SLCO2B1: variants seen among roughly 807,000 people sequenced by gnomAD.
SLCO2B1 encodes OATP-RP2.
A neutral mutation model predicts 67.3 loss-of-function variants in SLCO2B1; 41 were observed. The observed-to-expected ratio is 0.61, with a 90% CI of 0.47 to 0.79. SLCO2B1 has a LOEUF of 0.79. Ranked by LOEUF, SLCO2B1 falls within the 30% of genes least tolerant of loss-of-function variation. The pLI is 0.00. For synonymous variants in SLCO2B1, 379 were observed against 381.4 expected, an observed-to-expected ratio of 0.99 and a Z score of 0.07; for missense variants, 837 against 920.1, an observed-to-expected ratio of 0.91 and a Z score of 1.17.
rs2140323647 is a variant in SLCO2B1 at position 75,179,376 on chromosome 11, T to C, written c.972+6807T>C. Among the ~76,000 whole-genome samples the C allele has an allele frequency of 2.0e-5, 3 of 151,506 alleles. No homozygotes were observed. The South Asian group carries it at 6.3e-4, about 32-fold the overall frequency. On this transcript the variant is annotated intron_variant, in intron 7 of 13. Coordinates refer to ENST00000289575, the MANE Select transcript of SLCO2B1 (RefSeq NM_007256.5). ...CCTTCTGAGTAGCTGGGATTACAGG[T>C]GCCCGCCACCATACCCAGCTAATTT...
Position 75,165,859 on chromosome 11 carries a change from T to C in SLCO2B1, c.358T>C (p.Tyr120His). 6.2e-7 allele frequency: 1 copy of C among 1,614,198 alleles called. No homozygotes were observed. Among genetic ancestry groups the C allele is most frequent in the African/African-American group, 1.3e-5 (1 of 75,064 alleles). The change falls in exon 4 of 14, where the codon TAT becomes CAT. Residue 120 changes from tyrosine (Y) to histidine (H), a missense_variant. Transcript: ENST00000289575. Reference sequence around the variant, plus strand: ...GGTGCACCGACCCCGAATGATTGGCTATGGGGCTATCCTTGTGGCCCTGGC... The same window carrying C: ...GGTGCACCGACCCCGAATGATTGGCCATGGGGCTATCCTTGTGGCCCTGGC... The part of the protein sequence containing the change: ...SRVHRPRMIG[Y>H]GAILVALAGL...
At chr11:75,202,841 C>T (rs1012831808) in intron 11 of SLCO2B1, 60 bp from the exon 12 acceptor site, 1 of 1,429,574 alleles carries the variant, frequency 7.0e-7, no homozygotes, top group African/African-American at 1.4e-5. Context: ...AACGTTGATG[C>T]ATGGCCCTTG....
intron 1 of SLCO2B1, among the ~76,000 whole-genome samples, chr11:75,161,596 A>G (rs566046058): frequency 6.6e-6 from 1 of 152,218 alleles, no homozygotes; most frequent in East Asian, 1.9e-4. Flanking sequence ...AGATCAGAGG[A>G]ATCCTGAGGT....
In SLCO2B1 at chr11:75,151,214, C is replaced by G. The variant is rs552453983; in HGVS notation, c.-168C>G. On this transcript the variant is annotated 5_prime_UTR_variant, in exon 1 of 14. Transcript: ENST00000289575. ...GACAAGTCTGATGTCCTGTGTGGCCCAAGAAGAACTGACCCCGTGTCTGGA... is the reference window on the plus strand; with the variant it reads ...GACAAGTCTGATGTCCTGTGTGGCCGAAGAAGAACTGACCCCGTGTCTGGA... The G allele has an allele frequency of 2.7e-4, 170 of 621,224 alleles. No homozygotes were observed. The highest frequency in any genetic ancestry group is 4.2e-4 in the Non-Finnish European group (147 of 348,918). The allele number at this position is 621,224 out of a possible 1,614,324, so 38.5% of individuals were successfully genotyped here. A position where few individuals can be genotyped will look rare whatever the true frequency, so the allele number is the denominator to read the frequency against.
At chr11:75,166,166 A>G (rs1949889677) in intron 4 of SLCO2B1, among the ~76,000 whole-genome samples, 1 of 152,058 alleles carries the variant, frequency 6.6e-6, no homozygotes, top group Non-Finnish European at 1.5e-5. Context: ...CCCTGCGCAT[A>G]GGGGTGAGGG....
rs192017295 is a variant in SLCO2B1, at chr11:75,165,169, T to A, written c.286-618T>A. Reference sequence around the variant, plus strand: ...GCCTTGGGCCAGGCACGGTGGCTCATGCCTGTAATCCCAGCACTTTGGGAG... The same window carrying A: ...GCCTTGGGCCAGGCACGGTGGCTCAAGCCTGTAATCCCAGCACTTTGGGAG... On this transcript the variant is annotated intron_variant, in intron 3 of 13. Transcript: ENST00000289575. Among the ~76,000 whole-genome samples, 38 of 152,258 alleles carry A rather than the reference T, an allele frequency of 2.5e-4. 1 individual carries two copies. In the South Asian group the frequency reaches 3.9e-3, roughly 16 times the overall value.
intron 10 of SLCO2B1, among the ~76,000 whole-genome samples, chr11:75,197,639 T>G (rs1415957598): frequency 3.9e-5 from 6 of 152,172 alleles, no homozygotes; most frequent in Non-Finnish European, 8.8e-5. Flanking sequence ...CTGTGTTTGA[T>G]CACGCTTGAG....
intron 7 of SLCO2B1, among the ~76,000 whole-genome samples, chr11:75,172,924 G>A (rs898132902): frequency 5.6e-5 from 8 of 143,498 alleles, no homozygotes; most frequent in African/African-American, 7.9e-5. Context: ...GCAAGACTCC[G>A]TCTCAAAAAA....
chr11:75,164,651 T>C (rs912355586), intron 3 of SLCO2B1, among the ~76,000 whole-genome samples: 3 of 152,054 alleles, frequency 2.0e-5, no homozygotes, highest in African/African-American at 7.2e-5. Context: ...AGTCCTTCAG[T>C]CCTTCCCCCG....
intron 1 of SLCO2B1, among the ~76,000 whole-genome samples, chr11:75,152,058 G>A (rs1371205256): frequency 6.6e-6 from 1 of 152,242 alleles, no homozygotes; most frequent in Non-Finnish European, 1.5e-5. Flanking sequence ...TCTGTGCAGT[G>A]AGGTCTCTTA....
At chr11:75,158,992 T>G (rs1363872942) in intron 1 of SLCO2B1, among the ~76,000 whole-genome samples, 1 of 152,180 alleles carries the variant, frequency 6.6e-6, no homozygotes, top group South Asian at 2.1e-4. Context: ...ACTCTACCCA[T>G]GAAGGGCAGC....
At chr11:75,157,036 C>T (rs181874266) in intron 1 of SLCO2B1, 1 of 152,674 alleles carries the variant, frequency 6.5e-6, no homozygotes, top group Admixed American at 6.5e-5. Context: ...GAATGCCTAA[C>T]TCTTTGGGAA....
intron 7 of SLCO2B1, among the ~76,000 whole-genome samples, chr11:75,182,732 G>C (rs575616267): frequency 3.3e-5 from 5 of 151,446 alleles, no homozygotes; most frequent in African/African-American, 1.2e-4. Context: ...ACACAGCAAG[G>C]CTCTGTTAAA....
rs1159746186 is a variant in SLCO2B1 at position 75,169,367 on chromosome 11, G to A, written c.643G>A (p.Asp215Asn). ...PIQPFGISYI[D>N]DFAHNSNSPL... ...TCAGCCCTTTGGCATCTCCTACATC[G>A]ATGACTTTGCCCACAACAGCAACTC... is the stretch of plus-strand genomic sequence containing the variant. The change falls in exon 5 of 14, where the codon GAT becomes AAT. Residue 215 changes from aspartate to asparagine, a missense_variant. Coordinates refer to ENST00000289575, the MANE Select transcript of SLCO2B1 (RefSeq NM_007256.5). The A allele has an allele frequency of 1.9e-6, 3 of 1,610,038 alleles. No individual in the cohort carries two copies. Among genetic ancestry groups the A allele is most frequent in the East Asian group, 2.2e-5 (1 of 44,772 alleles).
intron 10 of SLCO2B1, among the ~76,000 whole-genome samples, chr11:75,197,453 C>T (rs1945116527): frequency 6.6e-6 from 1 of 152,240 alleles, no homozygotes; most frequent in Non-Finnish European, 1.5e-5. Context: ...AAGGAACACA[C>T]ATGCGCAAGC....
intron 8 of SLCO2B1, among the ~76,000 whole-genome samples, chr11:75,191,814 G>C (rs570208482): frequency 6.6e-6 from 1 of 152,324 alleles, no homozygotes; most frequent in South Asian, 2.1e-4. Context: ...GATTTCATGT[G>C]TCTAACAGAA....
intron 2 of SLCO2B1, among the ~76,000 whole-genome samples, chr11:75,163,192 C>G (rs139971199): frequency 6.6e-6 from 1 of 152,190 alleles, no homozygotes; most frequent in African/African-American, 2.4e-5. Context: ...AGGTGCCACT[C>G]ACACGTGATC....
rs112506682 is a variant in SLCO2B1 at position 75,203,978 on chromosome 11, G to A, written c.1950-422G>A. 2.4e-3 allele frequency: 390 copies of A among 164,160 alleles called. 2 individuals carry two copies. Among genetic ancestry groups the A allele is most frequent in the African/African-American group, 9.0e-3 (378 of 41,820 alleles). 10.2% of individuals were successfully genotyped at this position (164,160 alleles called of 1,614,324 possible). On this transcript the variant is annotated intron_variant, in intron 13 of 13. Transcript: ENST00000289575. The stretch of plus-strand genomic sequence containing the variant: ...AGCTGGTCACTTTCAGCTCTGAGGA[G>A]GTGAGGAGGGCACAGTTTCTGTGGG...
At chr11:75,183,271 T>C (rs974407958) in intron 7 of SLCO2B1, among the ~76,000 whole-genome samples, 7 of 152,238 alleles carry the variant, frequency 4.6e-5, no homozygotes, top group African/African-American at 1.4e-4. Context: ...CAAAATGCGA[T>C]GTGTATTTTA....
Sources: allele counts gnomAD v4.1 joint callset (sites outside exome capture counted in the v4.1 genomes callset), GRCh38; gene constraint gnomAD v4.1.1; transcripts MANE v1.5; gene names NCBI Gene and HGNC (gene_info 2026-07-23, HGNC 2026-07-21).